Variants in PLEKHA7 observed in about 807,000 individuals in gnomAD.
PLEKHA7 encodes the protein pleckstrin homology domain containing A7.
PLEKHA7 carries 104 observed loss-of-function variants against 170.0 expected under a neutral mutation model. That is an observed-to-expected ratio of 0.61 (90% CI 0.52 to 0.72). PLEKHA7 has a LOEUF of 0.72. PLEKHA7 is among the 30% of genes least tolerant of loss of function. The pLI, the probability that PLEKHA7 is intolerant of heterozygous loss-of-function variation, is 0.00. For synonymous variants in PLEKHA7, 648 were observed against 660.8 expected, an observed-to-expected ratio of 0.98 and a Z score of 0.30; for missense variants, 1,615 against 1,671.7, an observed-to-expected ratio of 0.97 and a Z score of 0.59.
At chr11:16,971,040 G>C (rs969544008) in intron 3 of PLEKHA7, among the ~76,000 whole-genome samples, 1 of 152,152 alleles carries the variant, frequency 6.6e-6, no homozygotes, top group African/African-American at 2.4e-5. Context: ...CAGGTCTCCC[G>C]GACTTTTCTG....
At chr11:16,981,983 G>C (rs893604168) in intron 3 of PLEKHA7, among the ~76,000 whole-genome samples, 1 of 152,058 alleles carries the variant, frequency 6.6e-6, no homozygotes, top group Non-Finnish European at 1.5e-5. Flanking sequence ...CTCCACCCTC[G>C]GCCCTTCGGC....
At chr11:16,796,087 G>T (rs1463339684) in intron 17 of PLEKHA7, among the ~76,000 whole-genome samples, 2 of 151,958 alleles carry the variant, frequency 1.3e-5, no homozygotes, top group Admixed American at 6.5e-5. Flanking sequence ...TTGAACTCCT[G>T]ACCTCAGATG....
chr11:16,783,073 G>C (rs1292244533), intron 25 of PLEKHA7, among the ~76,000 whole-genome samples, 177 bp from the exon 26 acceptor site: 3 of 152,242 alleles, frequency 2.0e-5, no homozygotes, highest in Admixed American at 6.5e-5. Context: ...AACGGTCCCA[G>C]CTTTGTTCCT....
At chr11:16,868,125 G>T (rs1212497177) in intron 4 of PLEKHA7, among the ~76,000 whole-genome samples, 1 of 152,098 alleles carries the variant, frequency 6.6e-6, no homozygotes, top group African/African-American at 2.4e-5. Flanking sequence ...TCCCAGATGA[G>T]GAGGCCTTCT....
intron 9 of PLEKHA7, among the ~76,000 whole-genome samples, chr11:16,834,953 G>A (rs970979618): frequency 6.6e-6 from 1 of 152,116 alleles, no homozygotes; most frequent in Non-Finnish European, 1.5e-5. Context: ...TCTGAAGCCT[G>A]TGTAACAAAC....
chr11:16,971,530 G>A (rs560599918), intron 3 of PLEKHA7, among the ~76,000 whole-genome samples: 5 of 152,254 alleles, frequency 3.3e-5, no homozygotes, highest in East Asian at 1.9e-4. Context: ...TATAGGATAC[G>A]CTCAATAATG....
Position 16,817,168 on chromosome 11 carries a change from C to T in PLEKHA7, c.1498G>A (p.Asp500Asn), listed in dbSNP as rs1461563520. Residue 500 changes from aspartate to asparagine, a missense_variant, in exon 11 of 27, where the codon GAC becomes AAC. By Grantham distance (23) the Asp-to-Asn change is conservative. Transcript: ENST00000531066. This position sits in a 1 kb window ranked among gnomAD's most constrained non-coding sequence, Gnocchi z 4.4. ...NLPSDYKYAQ[D>N]RASHLKMSSE... ...GACATCTTCAGGTGGCTGGCTCGGTCCTGCGCATACTTGTAGTCACTTGGC... is the reference window on the plus strand; with the variant it reads ...GACATCTTCAGGTGGCTGGCTCGGTTCTGCGCATACTTGTAGTCACTTGGC... 7 of 1,614,058 alleles carry T rather than the reference C, an allele frequency of 4.3e-6. No individual in the cohort carries two copies. The highest frequency in any genetic ancestry group is 1.3e-5 in the African/African-American group (1 of 74,924).
At chr11:16,919,491 A>G (rs558146600) in intron 3 of PLEKHA7, among the ~76,000 whole-genome samples, 2 of 152,178 alleles carry the variant, frequency 1.3e-5, no homozygotes, top group East Asian at 3.9e-4. Context: ...CCTGGGCAAC[A>G]TAGTGAGATC....
chr11:16,791,409 C>A lies in PLEKHA7; in HGVS notation c.2746-210G>T. 1 of 620,606 alleles carries A rather than the reference C, an allele frequency of 1.6e-6. No homozygotes were observed. Among genetic ancestry groups the A allele is most frequent in the Non-Finnish European group, 2.9e-6 (1 of 347,526 alleles). 38.4% of individuals were successfully genotyped at this position (620,606 alleles called of 1,614,324 possible). A position where few individuals can be genotyped will look rare whatever the true frequency, so the allele number is the denominator to read the frequency against. On this transcript the variant is annotated intron_variant, in intron 19 of 26. Transcript: ENST00000531066. The surrounding 1 kb of genome is among the most constrained non-coding windows in gnomAD (Gnocchi z 4.5). ...GCTCCTCTATCCCCTCAGAGGTATA[C>A]AGTTTCTATTCCTCCAAGTGTTACC...
At chr11:16,802,641 G>A (rs1215097884) in intron 15 of PLEKHA7, among the ~76,000 whole-genome samples, 3 of 151,914 alleles carry the variant, frequency 2.0e-5, no homozygotes, top group South Asian at 2.1e-4. Context: ...TCTGCCTCCC[G>A]GGTTCAAGCA....
intron 9 of PLEKHA7, among the ~76,000 whole-genome samples, chr11:16,837,103 C>T (rs1353931689): frequency 1.3e-5 from 2 of 152,148 alleles, no homozygotes; most frequent in Non-Finnish European, 2.9e-5. Flanking sequence ...GGATTACAGG[C>T]ATAAGCCACT....
chr11:16,959,122 A>C (rs1861887333), intron 3 of PLEKHA7, among the ~76,000 whole-genome samples: 1 of 152,188 alleles, frequency 6.6e-6, no homozygotes, highest in Non-Finnish European at 1.5e-5. Flanking sequence ...GTACATGTGA[A>C]GGTGTGTTAC....
At chr11:16,835,961 C>G (rs991462222) in intron 9 of PLEKHA7, among the ~76,000 whole-genome samples, 2 of 152,200 alleles carry the variant, frequency 1.3e-5, no homozygotes, top group African/African-American at 4.8e-5. Context: ...ACTCTCAGTC[C>G]TCGCGGCCTG....
intron 3 of PLEKHA7, among the ~76,000 whole-genome samples, chr11:16,957,473 A>G (rs1400522176): frequency 6.6e-6 from 1 of 152,220 alleles, no homozygotes; most frequent in Non-Finnish European, 1.5e-5. Flanking sequence ...AGAGCAGATA[A>G]GTCTACAGAG....
At chr11:16,785,031 C>T (rs1849303515) in intron 24 of PLEKHA7, among the ~76,000 whole-genome samples, 1 of 152,186 alleles carries the variant, frequency 6.6e-6, no homozygotes. Context: ...GGCAGGGGAC[C>T]AGCCTTGTTA....
At chr11:16,928,842 T>G (rs1277330804) in intron 3 of PLEKHA7, among the ~76,000 whole-genome samples, 1 of 152,148 alleles carries the variant, frequency 6.6e-6, no homozygotes, top group Admixed American at 6.5e-5. Context: ...TTTGACTTTA[T>G]GAGATTTTTT....
intron 3 of PLEKHA7, among the ~76,000 whole-genome samples, chr11:16,905,690 C>G (rs1441575311): frequency 6.6e-6 from 1 of 152,152 alleles, no homozygotes; most frequent in Non-Finnish European, 1.5e-5. Context: ...TTTCAACTGT[C>G]TCTGTATTTC....
At position 16,915,812 on chromosome 11, in the gene PLEKHA7, G is replaced by A. The variant is rs1345225525; in HGVS notation, c.222-44630C>T. Reference sequence around the variant, plus strand: ...AGTCTTTGCTATTGTGAATAATGCCGCAATAAACATACGTGTGCATGTGTC... The same window carrying A: ...AGTCTTTGCTATTGTGAATAATGCCACAATAAACATACGTGTGCATGTGTC... On this transcript the variant is annotated intron_variant, in intron 3 of 26. Coordinates refer to ENST00000531066, the MANE Select transcript of PLEKHA7 (RefSeq NM_001329630.2). 4.8e-4 allele frequency among the ~76,000 whole-genome samples: 69 copies of A among 145,134 alleles called. 1 individual carries two copies. Among genetic ancestry groups the A allele is most frequent in the African/African-American group, 1.3e-3 (51 of 39,208 alleles).
At chr11:16,804,320 G>C (rs1399933404) in intron 13 of PLEKHA7, among the ~76,000 whole-genome samples, 1 of 152,230 alleles carries the variant, frequency 6.6e-6, no homozygotes, top group Non-Finnish European at 1.5e-5. Context: ...GCTATGCAGA[G>C]AGGTCCCAAT....
Sources: allele counts gnomAD v4.1 joint callset (sites outside exome capture counted in the v4.1 genomes callset), GRCh38; gene constraint gnomAD v4.1.1; non-coding constraint Gnocchi (gnomAD v3.1); transcripts MANE v1.5; gene names NCBI Gene and HGNC (gene_info 2026-07-23, HGNC 2026-07-21).